Variants in TYW1 observed in about 807,000 individuals in gnomAD.
The protein encoded by TYW1 is S-adenosyl-L-methionine-dependent tRNA 4-demethylwyosine synthase TYW1.
A neutral mutation model predicts 96.2 loss-of-function variants in TYW1; 46 were observed. The observed-to-expected ratio is 0.48, with a 90% CI of 0.38 to 0.61. The LOEUF (loss-of-function observed/expected upper bound fraction) is 0.61, where lower values mean the gene tolerates loss of function less well. Among genes scored for constraint, TYW1 ranks in the 20% least tolerant of loss-of-function variants. TYW1 has a pLI of 0.00. For missense variants in TYW1, 684 were observed against 909.6 expected (o/e 0.75, Z 3.19); for synonymous variants, 274 against 323.0 (o/e 0.85, Z 1.63).
Position 67,238,834 on chromosome 7 carries a change from G to A in TYW1, c.*305G>A. 2 of 1,169,612 alleles carry A rather than the reference G, an allele frequency of 1.7e-6. No homozygotes were observed. The highest frequency in any genetic ancestry group is 4.7e-5 in the East Asian group (1 of 21,248). The allele number at this position is 1,169,612 out of a possible 1,614,324, so 72.5% of individuals were successfully genotyped here. A position where few individuals can be genotyped will look rare whatever the true frequency, so the allele number is the denominator to read the frequency against. On this transcript the variant is annotated 3_prime_UTR_variant, in exon 16 of 16. Coordinates refer to ENST00000359626, the MANE Select transcript of TYW1 (RefSeq NM_018264.4). ...ATCTGATGGTTTTGTATTATAACTT[G>A]TAAGACCTGCCAGAATGCTAGTCCC...
intron 13 of TYW1, among the ~76,000 whole-genome samples, chr7:67,150,727 A>G (rs575226975): frequency 0.015 from 2,293 of 151,776 alleles, no homozygotes; most frequent in Admixed American, 0.04. Flanking sequence ...CATCCACGTG[A>G]TAATTATAAA....
chr7:67,074,589 G>A (rs904386384), intron 10 of TYW1, among the ~76,000 whole-genome samples: 1 of 152,080 alleles, frequency 6.6e-6, no homozygotes, highest in African/African-American at 2.4e-5. Context: ...AATATACGAG[G>A]TTTTAAAATT....
chr7:67,110,446 G>C (rs1315943768), intron 12 of TYW1, among the ~76,000 whole-genome samples: 1 of 152,166 alleles, frequency 6.6e-6, no homozygotes, highest in East Asian at 1.9e-4. Context: ...ACAAAGGCTG[G>C]GAGGCTTACC....
intron 7 of TYW1, among the ~76,000 whole-genome samples, chr7:67,038,340 T>G (rs1475323963): frequency 3.3e-5 from 5 of 151,386 alleles, no homozygotes; most frequent in Non-Finnish European, 5.9e-5. Flanking sequence ...GCTTGGTGGC[T>G]CATTCCTGTA....
intron 12 of TYW1, among the ~76,000 whole-genome samples, chr7:67,107,700 G>A (rs947419690): frequency 1.4e-4 from 22 of 151,938 alleles, no homozygotes; most frequent in African/African-American, 5.1e-4. Flanking sequence ...ATACTTTAAG[G>A]CAAAACCTGT....
chr7:67,212,100 C>T (rs1801050387), intron 15 of TYW1, among the ~76,000 whole-genome samples: 1 of 152,084 alleles, frequency 6.6e-6, no homozygotes, highest in Admixed American at 6.6e-5. Flanking sequence ...CTAAAAATGC[C>T]CCTGCACTTC....
chr7:67,210,124 T>C (rs1182940572), intron 15 of TYW1, among the ~76,000 whole-genome samples: 2 of 152,324 alleles, frequency 1.3e-5, no homozygotes, highest in South Asian at 2.1e-4. Context: ...TTACATTTAG[T>C]TGTCAATTCT....
At chr7:67,176,389 G>A (rs67855845) in intron 13 of TYW1, among the ~76,000 whole-genome samples, 42,790 of 152,000 alleles carry the variant, frequency 0.28, 6,537 homozygotes, top group African/African-American at 0.4. Flanking sequence ...CTTGAAACGT[G>A]GCTACCCTGA....
intron 14 of TYW1, among the ~76,000 whole-genome samples, chr7:67,187,719 A>G (rs938078100): frequency 6.6e-5 from 10 of 152,208 alleles, no homozygotes; most frequent in East Asian, 5.8e-4. Flanking sequence ...TACATTTTCA[A>G]TGTTGTATGT....
intron 10 of TYW1, among the ~76,000 whole-genome samples, chr7:67,072,195 T>C (rs1191447074): frequency 6.7e-6 from 1 of 149,980 alleles, no homozygotes; most frequent in Non-Finnish European, 1.5e-5. Flanking sequence ...ATTTTTTTCT[T>C]AACAGCAAGT....
chr7:67,200,077 C>G (rs566477679), intron 15 of TYW1, among the ~76,000 whole-genome samples: 1 of 152,184 alleles, frequency 6.6e-6, no homozygotes, highest in African/African-American at 2.4e-5. Context: ...AAGGAGCTCG[C>G]GGTTTAGTGG....
chr7:67,202,719 C>T (rs550107625), intron 15 of TYW1, among the ~76,000 whole-genome samples: 3 of 152,218 alleles, frequency 2.0e-5, no homozygotes, highest in Admixed American at 1.3e-4. Context: ...CTAATAATCC[C>T]GGGACTTCTG....
intron 11 of TYW1, among the ~76,000 whole-genome samples, chr7:67,094,736 A>G (rs1796841450): frequency 6.6e-6 from 1 of 151,774 alleles, no homozygotes; most frequent in African/African-American, 2.4e-5. Context: ...ATACCCAGAG[A>G]ATGACTGTAT....
intron 15 of TYW1, among the ~76,000 whole-genome samples, chr7:67,229,455 C>G (rs180889474): frequency 5.7e-4 from 87 of 152,034 alleles, no homozygotes; most frequent in African/African-American, 2.0e-3. Context: ...AGGAGAATCT[C>G]TTGAACCTGG....
rs138553988 is a variant in TYW1 at position 67,195,292 on chromosome 7, A to G, written c.1932A>G (p.Ala644=). 101 of 1,612,846 alleles carry G rather than the reference A, an allele frequency of 6.3e-5. No individual in the cohort carries two copies. Among genetic ancestry groups the G allele is most frequent in the Non-Finnish European group, 8.1e-5 (96 of 1,179,586 alleles). Residue 644 remains alanine, a synonymous_variant, in exon 15 of 16, where the codon GCA becomes GCG. Transcript: ENST00000359626. ...LVDLIPEYEI[A]CEHEHSNCLL... The stretch of plus-strand genomic sequence containing the variant: ...ATCTGATCCCCGAATATGAAATTGC[A>G]TGTGAACACGAACACTCTAATTGCC...
intron 9 of TYW1, among the ~76,000 whole-genome samples, chr7:67,058,225 C>T (rs879506175): frequency 5.9e-5 from 9 of 152,186 alleles, no homozygotes; most frequent in African/African-American, 9.6e-5. Flanking sequence ...TAGGCCACTG[C>T]GCCTGGCCTA....
chr7:67,128,495 G>A (rs1430388466), intron 13 of TYW1, among the ~76,000 whole-genome samples: 2 of 152,092 alleles, frequency 1.3e-5, no homozygotes, highest in African/African-American at 4.8e-5. Context: ...CATCCCTGCC[G>A]TGTCAGAGCC....
intron 4 of TYW1, among the ~76,000 whole-genome samples, chr7:67,010,634 C>G (rs1349145441): frequency 1.3e-5 from 2 of 152,062 alleles, no homozygotes; most frequent in East Asian, 3.9e-4. Flanking sequence ...CGCCGCCACA[C>G]CCGACAAATT....
At chr7:67,141,971 G>C (rs1011446773) in intron 13 of TYW1, among the ~76,000 whole-genome samples, 1 of 152,198 alleles carries the variant, frequency 6.6e-6, no homozygotes, top group Non-Finnish European at 1.5e-5. Context: ...GGAGGTGGAG[G>C]TTGCAGTGAG....
Sources: allele counts gnomAD v4.1 joint callset (sites outside exome capture counted in the v4.1 genomes callset), GRCh38; gene constraint gnomAD v4.1.1; transcripts MANE v1.5; gene names NCBI Gene and HGNC (gene_info 2026-07-23, HGNC 2026-07-21).